COG5: variants seen among roughly 807,000 people sequenced by gnomAD.
COG5 encodes conserved oligomeric Golgi complex subunit 5.
A neutral mutation model predicts 110.4 loss-of-function variants in COG5; 86 were observed. The ratio of observed to expected loss-of-function variants is 0.78; its 90% CI spans 0.65 to 0.93. The LOEUF (loss-of-function observed/expected upper bound fraction) is 0.93. COG5 is among the 40% of genes least tolerant of loss of function. COG5 has a pLI of 0.00. For missense variants in COG5, 1,077 were observed against 987.0 expected (o/e 1.09, Z -1.22); for synonymous variants, 360 against 334.6 (o/e 1.08, Z -0.83).
intron 17 of COG5, among the ~76,000 whole-genome samples, chr7:107,246,092 C>A (rs1047537622): frequency 7.2e-5 from 11 of 152,258 alleles, no homozygotes; most frequent in African/African-American, 2.6e-4. Flanking sequence ...TTCAACAATG[C>A]TGACAAAAGC....
intron 6 of COG5, among the ~76,000 whole-genome samples, chr7:107,461,057 CA>C (rs879367694): frequency 6.3e-4 from 95 of 151,936 alleles, no homozygotes; most frequent in Non-Finnish European, 1.1e-3. Flanking sequence ...AAAACATTTT[CA>C]AAATTGGAGA....
intron 11 of COG5, among the ~76,000 whole-genome samples, chr7:107,315,475 TAA>T (rs1001270164): frequency 2.0e-5 from 3 of 152,080 alleles, no homozygotes; most frequent in Admixed American, 6.5e-5. Context: ...TTTAGACATG[TAA>T]AAAGAGATGT....
chr7:107,448,920 C>T (rs550799864), intron 6 of COG5, among the ~76,000 whole-genome samples: 3 of 151,942 alleles, frequency 2.0e-5, no homozygotes, highest in Admixed American at 2.0e-4. Context: ...TTTATTACTA[C>T]CATAAAATAT....
intron 7 of COG5, among the ~76,000 whole-genome samples, chr7:107,410,994 C>A (rs1185692171): frequency 6.6e-6 from 1 of 152,174 alleles, no homozygotes; most frequent in African/African-American, 2.4e-5. Context: ...TGAGAATAAC[C>A]ATCTCCATAG....
intron 10 of COG5, among the ~76,000 whole-genome samples, chr7:107,351,573 T>G (rs1210748293): frequency 2.0e-5 from 3 of 152,110 alleles, no homozygotes; most frequent in Non-Finnish European, 2.9e-5. Flanking sequence ...GACAAAGGGC[T>G]AATATCTAGA....
At chr7:107,305,152 G>A (rs1351472052) in intron 11 of COG5, among the ~76,000 whole-genome samples, 1 of 152,316 alleles carries the variant, frequency 6.6e-6, no homozygotes, top group East Asian at 1.9e-4. Flanking sequence ...TTCAGGGAAA[G>A]AGCAATTCAG....
intron 14 of COG5, among the ~76,000 whole-genome samples, chr7:107,269,972 C>T (rs559936235): frequency 3.3e-5 from 5 of 152,274 alleles, no homozygotes; most frequent in Admixed American, 6.5e-5. Flanking sequence ...CAAGAGTCCA[C>T]GCTTATAAGC....
chr7:107,412,065 T>C (rs1252792440), intron 7 of COG5, among the ~76,000 whole-genome samples: 4 of 152,104 alleles, frequency 2.6e-5, no homozygotes, highest in African/African-American at 9.7e-5. Context: ...GTGATTAAAA[T>C]TTGAATCCAA....
intron 17 of COG5, among the ~76,000 whole-genome samples, chr7:107,246,995 T>A (rs562520978): frequency 6.6e-6 from 1 of 152,162 alleles, no homozygotes; most frequent in South Asian, 2.1e-4. Context: ...ACATAGTGGA[T>A]AAAGAAATTG....
intron 20 of COG5, 120 bp downstream of exon 20, chr7:107,210,979 G>A: frequency 5.1e-6 from 6 of 1,170,730 alleles, no homozygotes; most frequent in Non-Finnish European, 7.6e-6. Context: ...GTCAAAGATA[G>A]ACATAAGCAA....
chr7:107,414,036 A>G (rs2129068079), intron 6 of COG5, among the ~76,000 whole-genome samples: 1 of 152,364 alleles, frequency 6.6e-6, no homozygotes, highest in East Asian at 1.9e-4. Flanking sequence ...TTATATTCAA[A>G]GAGATAGTAT....
intron 10 of COG5, among the ~76,000 whole-genome samples, chr7:107,355,123 G>T (rs1180331065): frequency 6.6e-6 from 1 of 152,142 alleles, no homozygotes; most frequent in Non-Finnish European, 1.5e-5. Context: ...TTTTTCTACA[G>T]ATGAAGTCTT....
intron 6 of COG5, among the ~76,000 whole-genome samples, chr7:107,496,510 A>G (rs1194145633): frequency 6.6e-6 from 1 of 151,994 alleles, no homozygotes; most frequent in Non-Finnish European, 1.5e-5. Context: ...AAACACAAAA[A>G]TTAGCTGGGT....
chr7:107,398,796 T>A (rs1351615999), intron 7 of COG5, among the ~76,000 whole-genome samples: 1 of 152,176 alleles, frequency 6.6e-6, no homozygotes, highest in African/African-American at 2.4e-5. Context: ...AGTAATTGCC[T>A]GGGTTTGGGG....
chr7:107,308,881 C>T (rs1227851147), intron 11 of COG5, among the ~76,000 whole-genome samples: 1 of 151,930 alleles, frequency 6.6e-6, no homozygotes, highest in African/African-American at 2.4e-5. Context: ...TTTTCTGAGC[C>T]CTTTCAATAC....
chr7:107,458,947 A>C (rs1045408825), intron 6 of COG5, among the ~76,000 whole-genome samples: 1 of 151,246 alleles, frequency 6.6e-6, no homozygotes, highest in African/African-American at 2.4e-5. Flanking sequence ...ACACACATTT[A>C]TATTATTATA....
At chr7:107,471,682 G>A (rs573143833) in intron 6 of COG5, 3 of 152,078 alleles carry the variant, frequency 2.0e-5, no homozygotes, top group East Asian at 3.9e-4. Context: ...TACTGATTCT[G>A]GAAGACATAA....
intron 6 of COG5, among the ~76,000 whole-genome samples, chr7:107,415,960 A>ATGTGTATGTG (rs1792791356): frequency 2.5e-5 from 3 of 119,412 alleles, no homozygotes; most frequent in Admixed American, 2.4e-4. Flanking sequence ...ATGTGTGTGT[A>ATGTGTATGTG]TATACACACA....
intron 3 of COG5, among the ~76,000 whole-genome samples, chr7:107,550,794 C>G (rs554078450): frequency 6.6e-6 from 1 of 152,122 alleles, no homozygotes; most frequent in African/African-American, 2.4e-5. Context: ...CAACCTCTGC[C>G]TCCCAGGTTC....
Sources: allele counts gnomAD v4.1 joint callset (sites outside exome capture counted in the v4.1 genomes callset), GRCh38; gene constraint gnomAD v4.1.1; transcripts MANE v1.5; gene names NCBI Gene and HGNC (gene_info 2026-07-23, HGNC 2026-07-21).